Variants in MTMR14 observed in about 807,000 individuals in gnomAD.
The protein encoded by MTMR14 is phosphatidylinositol-3,5-bisphosphate 3-phosphatase MTMR14.
In MTMR14, 48 loss-of-function variants were observed where a neutral mutation model predicts 86.3. The observed-to-expected ratio is 0.56, with a 90% CI of 0.44 to 0.71. MTMR14 has a LOEUF of 0.71. Among genes scored for constraint, MTMR14 ranks in the 30% least tolerant of loss-of-function variants. MTMR14 has a pLI of 0.00. For missense variants in MTMR14, 780 were observed against 834.6 expected (o/e 0.93, Z 0.81); for synonymous variants, 366 against 326.1 (o/e 1.12, Z -1.32).
intron 17 of MTMR14, among the ~76,000 whole-genome samples, chr3:9,693,690 A>G (rs985633420): frequency 6.6e-5 from 10 of 152,190 alleles, no homozygotes; most frequent in African/African-American, 2.4e-4. Context: ...CAGAGGCAGG[A>G]GATAATCTGC....
intron 10 of MTMR14, among the ~76,000 whole-genome samples, chr3:9,684,341 C>T (rs1175680642): frequency 6.6e-6 from 1 of 152,126 alleles, no homozygotes; most frequent in African/African-American, 2.4e-5. Flanking sequence ...GTGTAGGCTG[C>T]ACTGTGTCCC....
At chr3:9,655,425 T>G (rs1430713143) in intron 2 of MTMR14, among the ~76,000 whole-genome samples, 2 of 151,112 alleles carry the variant, frequency 1.3e-5, no homozygotes, top group African/African-American at 4.9e-5. Context: ...GGAATCAGAA[T>G]TTCCAGTCTA....
chr3:9,666,103 C>T (rs1313150151), intron 3 of MTMR14, among the ~76,000 whole-genome samples: 2 of 147,966 alleles, frequency 1.4e-5, no homozygotes, highest in Non-Finnish European at 3.0e-5. Context: ...AATGAGTCCA[C>T]GTTTCCCTTA....
At chr3:9,670,353 C>G (rs1156650772) in intron 5 of MTMR14, among the ~76,000 whole-genome samples, 1 of 152,230 alleles carries the variant, frequency 6.6e-6, no homozygotes, top group African/African-American at 2.4e-5. Context: ...TCACCATCTT[C>G]AGCATACACT....
chr3:9,658,852 G>C (rs893456913), intron 2 of MTMR14, among the ~76,000 whole-genome samples: 12 of 152,210 alleles, frequency 7.9e-5, no homozygotes, highest in Non-Finnish European at 1.6e-4. Flanking sequence ...GTCTGGGAAA[G>C]CTTCCTATTG....
chr3:9,657,758 C>T (rs375590585), intron 2 of MTMR14, among the ~76,000 whole-genome samples: 2 of 152,040 alleles, frequency 1.3e-5, no homozygotes, highest in South Asian at 2.1e-4. Flanking sequence ...AACATCTTGG[C>T]CAGGCTGGTC....
chr3:9,655,355 A>G (rs530979552), intron 2 of MTMR14, among the ~76,000 whole-genome samples: 196 of 151,924 alleles, frequency 1.3e-3, no homozygotes, highest in African/African-American at 4.6e-3. Context: ...CAACAGAGCA[A>G]GAGCAAGACT....
chr3:9,657,324 C>T (rs752326662), intron 2 of MTMR14, among the ~76,000 whole-genome samples: 30 of 152,294 alleles, frequency 2.0e-4, no homozygotes, highest in Non-Finnish European at 4.3e-4. Flanking sequence ...AACAAGCTCT[C>T]AGGTAATACC....
chr3:9,681,652 TGA>T (rs1380765708), intron 9 of MTMR14, among the ~76,000 whole-genome samples: 1 of 152,200 alleles, frequency 6.6e-6, no homozygotes, highest in African/African-American at 2.4e-5. Context: ...GCACGTAGGA[TGA>T]GAGAGTCAGG....
chr3:9,666,104 G>A (rs1306820573), intron 3 of MTMR14, among the ~76,000 whole-genome samples: 3 of 145,502 alleles, frequency 2.1e-5, no homozygotes, highest in South Asian at 2.2e-4. Flanking sequence ...ATGAGTCCAC[G>A]TTTCCCTTAA....
chr3:9,678,122 TGCCTGCCCCACAAG>T, intron 9 of MTMR14, 64 bp downstream of exon 9: 4 of 1,549,702 alleles, frequency 2.6e-6, no homozygotes, highest in Non-Finnish European at 3.6e-6. Flanking sequence ...AGACTCTTGA[TGCCTGCCCCACAAG>T]GCCCTCGTGT....
chr3:9,672,664 C>G, intron 6 of MTMR14, 21 bp from the exon 7 acceptor site: 1 of 1,607,812 alleles, frequency 6.2e-7, no homozygotes, highest in Non-Finnish European at 8.5e-7. Context: ...CACTGTAACA[C>G]ATTGTATCCT....
chr3:9,673,609 A>T (rs545607854), intron 7 of MTMR14, among the ~76,000 whole-genome samples: 4 of 152,104 alleles, frequency 2.6e-5, no homozygotes, highest in African/African-American at 9.7e-5. Context: ...TCTCCTCAAT[A>T]TTGGGGCCAC....
intron 6 of MTMR14, 57 bp from the exon 7 acceptor site, chr3:9,672,628 G>A (rs2048630564): frequency 7.2e-7 from 1 of 1,391,898 alleles, no homozygotes; most frequent in Non-Finnish European, 1.0e-6. Context: ...TTTGGGGAAT[G>A]GTGTGTGTTT....
intron 10 of MTMR14, 167 bp downstream of exon 10, chr3:9,683,411 T>A: frequency 1.5e-6 from 1 of 665,914 alleles, no homozygotes; most frequent in Non-Finnish European, 2.7e-6. Context: ...GATTTGTCCA[T>A]TGGTGGCTTT....
intron 14 of MTMR14, 54 bp from the exon 15 acceptor site, chr3:9,688,642 C>T: frequency 6.2e-7 from 1 of 1,602,560 alleles, no homozygotes; most frequent in Non-Finnish European, 8.5e-7. Context: ...GAACGGGGGA[C>T]ACAATAAGAC....
chr3:9,674,662 G>C (rs1355314652), intron 7 of MTMR14, among the ~76,000 whole-genome samples: 1 of 152,070 alleles, frequency 6.6e-6, no homozygotes, highest in African/African-American at 2.4e-5. Flanking sequence ...TTTTTGACAT[G>C]GAAAACGTCA....
chr3:9,701,748 C>G lies in MTMR14; in HGVS notation c.1770-42C>G. 1 of 1,608,922 alleles carries G rather than the reference C, an allele frequency of 6.2e-7. No individual in the cohort carries two copies. The highest frequency in any genetic ancestry group is 2.2e-5 in the East Asian group (1 of 44,858). The stretch of plus-strand genomic sequence containing the variant: ...GGAGGATGAGGATACTGGGTCCTGT[C>G]CCAGGGTAATGTCTTTGTTCTTTCT... On this transcript the variant is annotated intron_variant, in intron 18 of 18. Transcript: ENST00000296003. This position sits in a 1 kb window ranked among gnomAD's most constrained non-coding sequence, Gnocchi z 4.2.
chr3:9,663,049 G>T (rs1424383996), intron 3 of MTMR14, among the ~76,000 whole-genome samples: 1 of 152,194 alleles, frequency 6.6e-6, no homozygotes, highest in African/African-American at 2.4e-5. Flanking sequence ...AATGAAGACG[G>T]CTGAACGCTG....
Sources: gnomAD v4.1 joint callset for allele counts (sites outside exome capture counted in the v4.1 genomes callset) on GRCh38, gnomAD v4.1.1 for gene constraint, Gnocchi (gnomAD v3.1) non-coding constraint, MANE v1.5 for transcripts, NCBI Gene and HGNC (gene_info 2026-07-23, HGNC 2026-07-21) for gene names.